The following ENPP3 variants were observed in gnomAD, a reference collection of about 807,000 sequenced individuals.
The protein encoded by ENPP3 is ectonucleotide pyrophosphatase/phosphodiesterase 3.
Under a neutral mutation model 117.8 loss-of-function variants are expected in ENPP3, and 104 were observed. That is an observed-to-expected ratio of 0.88 (90% confidence interval 0.75 to 1.04). The LOEUF (loss-of-function observed/expected upper bound fraction) is 1.04, where lower values mean the gene tolerates loss of function less well. ENPP3 is among the 50% of genes least tolerant of loss of function. The pLI is 0.00. For synonymous variants in ENPP3, 380 were observed against 349.9 expected (o/e 1.09, Z -0.96); for missense variants, 1,026 against 1,051.9 (o/e 0.98, Z 0.34).
chr6:131,688,361 G>A (rs1420990073), intron 14 of ENPP3, among the ~76,000 whole-genome samples: 1 of 152,120 alleles, frequency 6.6e-6, no homozygotes, highest in African/African-American at 2.4e-5. Flanking sequence ...TAAAGTAAAA[G>A]GAATAGTGAC....
intron 15 of ENPP3, among the ~76,000 whole-genome samples, chr6:131,717,359 T>G (rs397833183): frequency 6.1e-4 from 42 of 68,424 alleles, no homozygotes; most frequent in African/African-American, 2.2e-3. Context: ...GGGGTGTGTG[T>G]GTGTGTGTGT....
At chr6:131,640,302 C>T (rs1034784738) in intron 1 of ENPP3, among the ~76,000 whole-genome samples, 4 of 152,180 alleles carry the variant, frequency 2.6e-5, no homozygotes, top group Non-Finnish European at 5.9e-5. Flanking sequence ...CTTCTAAGCA[C>T]CATGACAAGG....
At chr6:131,677,974 A>AG in intron 11 of ENPP3, 34 bp downstream of exon 11, 7 of 1,311,472 alleles carry the variant, frequency 5.3e-6, no homozygotes, top group Non-Finnish European at 7.7e-6. Context: ...AAAAAAAAAA[A>AG]TGTAAAATCA....
chr6:131,722,510 T>C (rs1585718051), intron 18 of ENPP3, 105 bp downstream of exon 18: 1 of 853,132 alleles, frequency 1.2e-6, no homozygotes, highest in Admixed American at 2.3e-5. Flanking sequence ...TGTTCCGCCT[T>C]GGATATTTAC....
At chr6:131,740,671 T>C (rs1471097671) in intron 24 of ENPP3, among the ~76,000 whole-genome samples, 1 of 152,222 alleles carries the variant, frequency 6.6e-6, no homozygotes, top group Non-Finnish European at 1.5e-5. Context: ...TGTTAATCTC[T>C]TTTTTCTTTT....
intron 15 of ENPP3, among the ~76,000 whole-genome samples, chr6:131,694,442 T>C (rs567131800): frequency 1.3e-5 from 2 of 151,912 alleles, no homozygotes; most frequent in African/African-American, 4.8e-5. Flanking sequence ...CTTTTTTCCT[T>C]ATGCATAAGT....
intron 14 of ENPP3, among the ~76,000 whole-genome samples, chr6:131,691,555 C>T (rs1779279073): frequency 6.7e-6 from 1 of 149,442 alleles, no homozygotes; most frequent in African/African-American, 2.5e-5. Flanking sequence ...TACCGCTGCA[C>T]TCCAGCCTGA....
rs1228085545 is a variant in ENPP3, at chr6:131,652,410, G to T, written c.278-132G>T. Reference sequence around the variant, plus strand: ...TGGTTTGCCCCTCATTTGGTATTATGTATTTTCATTTATTAATACAGATAA... The same window carrying T: ...TGGTTTGCCCCTCATTTGGTATTATTTATTTTCATTTATTAATACAGATAA... On this transcript the variant is annotated intron_variant, in intron 3 of 24. Coordinates refer to ENST00000357639, the MANE Select transcript of ENPP3 (RefSeq NM_005021.5). The T allele has an allele frequency of 3.2e-6, 3 of 939,592 alleles. No homozygotes were observed. The Admixed American group carries it at 7.6e-5, about 24-fold the overall frequency. 58.2% of individuals were successfully genotyped at this position (939,592 alleles called of 1,614,324 possible).
chr6:131,716,160 T>C (rs2114514091), intron 15 of ENPP3, among the ~76,000 whole-genome samples: 2 of 152,318 alleles, frequency 1.3e-5, no homozygotes, highest in East Asian at 3.9e-4. Context: ...TAATGGAGAA[T>C]TTGTTCCAAA....
chr6:131,710,121 A>G, intron 15 of ENPP3: 1 of 1,613,936 alleles, frequency 6.2e-7, no homozygotes, highest in African/African-American at 1.3e-5. Context: ...TTTCCCATTG[A>G]CTGTTCACTT....
chr6:131,713,779 T>TA (rs1779836416), intron 15 of ENPP3, among the ~76,000 whole-genome samples: 1 of 152,140 alleles, frequency 6.6e-6, no homozygotes, highest in South Asian at 2.1e-4. Context: ...ATGCTTTTTT[T>TA]AAAAAAATAT....
rs375942344 is a variant in ENPP3, at chr6:131,693,655, G to A, written c.1412+31G>A. ...TGTATCTGTTTACTTATCTCATAAT[G>A]CCTTTAATAACCATTTGTCATTATA... On this transcript the variant is annotated intron_variant, in intron 15 of 24. Transcript: ENST00000357639. 7.2e-5 allele frequency: 115 copies of A among 1,600,406 alleles called. No homozygotes were observed. In the African/African-American group the frequency reaches 1.5e-3, roughly 21 times the overall value.
intron 11 of ENPP3, among the ~76,000 whole-genome samples, chr6:131,679,789 TG>T (rs1395975317): frequency 6.6e-6 from 1 of 152,150 alleles, no homozygotes; most frequent in Non-Finnish European, 1.5e-5. Flanking sequence ...GACAAACAAA[TG>T]GCTAGATGGC....
intron 7 of ENPP3, among the ~76,000 whole-genome samples, chr6:131,672,061 A>G (rs1282355984): frequency 1.3e-5 from 2 of 152,170 alleles, no homozygotes; most frequent in African/African-American, 4.8e-5. Flanking sequence ...CAGATTCTGT[A>G]TTTGTGGGTT....
intron 1 of ENPP3, 33 bp downstream of exon 1, chr6:131,637,495 T>C (rs779180523): frequency 8.0e-7 from 1 of 1,245,022 alleles, no homozygotes; most frequent in Non-Finnish European, 1.1e-6. Context: ...GTCTTTCTAG[T>C]TTTGTGACAA....
chr6:131,715,463 A>T (rs1214774020), intron 15 of ENPP3, among the ~76,000 whole-genome samples: 1 of 132,756 alleles, frequency 7.5e-6, no homozygotes, highest in Non-Finnish European at 1.5e-5. Context: ...CATCAGCATG[A>T]ATCAGCAATC....
At chr6:131,711,023 C>G in intron 15 of ENPP3, 1 of 1,593,472 alleles carries the variant, frequency 6.3e-7, no homozygotes, top group Non-Finnish European at 8.5e-7. Flanking sequence ...TCCATAGCGT[C>G]GAGGCTGCTC....
chr6:131,647,416 C>T (rs895026294), intron 2 of ENPP3, among the ~76,000 whole-genome samples: 3 of 152,092 alleles, frequency 2.0e-5, no homozygotes, highest in African/African-American at 7.2e-5. Context: ...ATGTATAACA[C>T]TATGGAGAAT....
intron 21 of ENPP3, among the ~76,000 whole-genome samples, chr6:131,733,989 G>A (rs2114561900): frequency 6.6e-6 from 1 of 152,208 alleles, no homozygotes; most frequent in East Asian, 1.9e-4. Flanking sequence ...TTTAAAACTG[G>A]AGATTCTTTG....
Sources: gnomAD v4.1 joint callset for allele counts (sites outside exome capture counted in the v4.1 genomes callset) on GRCh38, gnomAD v4.1.1 for gene constraint, MANE v1.5 for transcripts, NCBI Gene and HGNC (gene_info 2026-07-23, HGNC 2026-07-21) for gene names.